Variants in STAG1 observed in about 807,000 individuals in gnomAD.
STAG1 encodes cohesin subunit SA-1.
In STAG1, 26 loss-of-function variants were observed where a neutral mutation model predicts 170.9. The observed-to-expected ratio is 0.15, with a 90% CI of 0.11 to 0.21. STAG1 has a LOEUF of 0.21. Ranked by LOEUF, STAG1 falls within the 10% of genes least tolerant of loss-of-function variation. The probability of loss-of-function intolerance (pLI) is 1.00; values close to 1 mark genes in which losing one functional copy is unlikely to be tolerated. For synonymous variants in STAG1, 514 were observed against 497.7 expected (o/e 1.03, Z -0.44); for missense variants, 964 against 1,509.5 (o/e 0.64, Z 5.99).
At chr3:136,694,804 G>T (rs958043243) in intron 1 of STAG1, among the ~76,000 whole-genome samples, 1 of 152,056 alleles carries the variant, frequency 6.6e-6, no homozygotes, top group Non-Finnish European at 1.5e-5. Context: ...TAATAATAAA[G>T]GGAAAAGTTT....
At chr3:136,486,522 T>A (rs527752549) in intron 9 of STAG1, among the ~76,000 whole-genome samples, 31 of 152,328 alleles carry the variant, frequency 2.0e-4, no homozygotes, top group African/African-American at 7.0e-4. Context: ...CCAAGTAGTA[T>A]CTCTGCCGAG....
chr3:136,610,837 G>A (rs1468607736), intron 3 of STAG1, among the ~76,000 whole-genome samples: 3 of 152,116 alleles, frequency 2.0e-5, no homozygotes, highest in Middle Eastern at 3.2e-3. Context: ...TGGTTATCAT[G>A]GAGAATAGTT....
chr3:136,366,495 A>G (rs1937078071), intron 25 of STAG1, among the ~76,000 whole-genome samples: 1 of 152,170 alleles, frequency 6.6e-6, no homozygotes, highest in African/African-American at 2.4e-5. Context: ...ATCAGCTACT[A>G]TGCCATAATT....
chr3:136,379,435 G>A (rs1367060795), intron 22 of STAG1, among the ~76,000 whole-genome samples: 1 of 152,192 alleles, frequency 6.6e-6, no homozygotes, highest in Non-Finnish European at 1.5e-5. Flanking sequence ...GTGGCTGGGT[G>A]CGGTGGCTCA....
chr3:136,475,176 T>C (rs945360454), intron 10 of STAG1, among the ~76,000 whole-genome samples: 2 of 138,920 alleles, frequency 1.4e-5, no homozygotes, highest in African/African-American at 5.2e-5. Flanking sequence ...GGCAGAGTCT[T>C]GCTCTTGTCA....
intron 1 of STAG1, among the ~76,000 whole-genome samples, chr3:136,691,011 C>G (rs975472731): frequency 6.6e-6 from 1 of 151,674 alleles, no homozygotes; most frequent in Non-Finnish European, 1.5e-5. Context: ...AAAAGAAAGA[C>G]AGTTGGCTGG....
chr3:136,688,944 A>C (rs1375421168), intron 1 of STAG1, among the ~76,000 whole-genome samples: 1 of 152,186 alleles, frequency 6.6e-6, no homozygotes. Context: ...TTACAGTTGC[A>C]TTTCTTTGTT....
chr3:136,608,368 C>T lies in STAG1; in HGVS notation c.133-3895G>A, dbSNP rs1939070016. 2.0e-5 allele frequency among the ~76,000 whole-genome samples: 3 copies of T among 148,688 alleles called. No homozygotes were observed. In the South Asian group the frequency reaches 6.4e-4, roughly 32 times the overall value. On this transcript the variant is annotated intron_variant, in intron 3 of 33. Transcript: ENST00000383202. ...ACCAGCCTGAGCAACATGGCAAAAG[C>T]CCATCTCTACAAAGTTAGCTAGGGT... is the stretch of plus-strand genomic sequence containing the variant.
At chr3:136,468,153 G>C (rs1291404656) in intron 12 of STAG1, among the ~76,000 whole-genome samples, 2 of 152,020 alleles carry the variant, frequency 1.3e-5, no homozygotes, top group African/African-American at 4.8e-5. Flanking sequence ...AAATAACTAA[G>C]ATCAGAGCAG....
chr3:136,442,950 A>C (rs1304977562), intron 15 of STAG1, among the ~76,000 whole-genome samples: 1 of 152,186 alleles, frequency 6.6e-6, no homozygotes, highest in Non-Finnish European at 1.5e-5. Flanking sequence ...TCAAGGCTGC[A>C]GTGAGTTATG....
chr3:136,464,343 A>C (rs1261029059), intron 13 of STAG1, among the ~76,000 whole-genome samples: 1 of 152,084 alleles, frequency 6.6e-6, no homozygotes, highest in African/African-American at 2.4e-5. Context: ...TAATCGCTTG[A>C]ACCTGGGAGG....
intron 21 of STAG1, among the ~76,000 whole-genome samples, chr3:136,399,728 T>A (rs2087263773): frequency 6.6e-6 from 1 of 152,198 alleles, no homozygotes; most frequent in East Asian, 1.9e-4. Context: ...GCAGAGGTTT[T>A]CAGAGTTTTT....
intron 9 of STAG1, chr3:136,499,989 A>C (rs1933382952): frequency 2.5e-6 from 1 of 392,306 alleles, no homozygotes; most frequent in Non-Finnish European, 4.7e-6. Flanking sequence ...AAATCCAAGT[A>C]CATAAGCTAC....
At chr3:136,746,347 G>C (rs1934933509) in intron 1 of STAG1, among the ~76,000 whole-genome samples, 1 of 151,854 alleles carries the variant, frequency 6.6e-6, no homozygotes, top group Non-Finnish European at 1.5e-5. Context: ...TAAAGCAAGG[G>C]TGTCCAATCT....
chr3:136,439,443 A>ACAC (rs1559802083), intron 15 of STAG1, among the ~76,000 whole-genome samples: 1,198 of 44,838 alleles, frequency 0.027, 65 homozygotes, highest in Middle Eastern at 0.075. Flanking sequence ...CACACACACA[A>ACAC]ACACTGTAAG....
At chr3:136,657,109 C>A (rs1285608335) in intron 1 of STAG1, among the ~76,000 whole-genome samples, 1 of 147,634 alleles carries the variant, frequency 6.8e-6, no homozygotes, top group African/African-American at 2.5e-5. Flanking sequence ...TTATGATATG[C>A]AATACTTATA....
chr3:136,601,902 T>C (rs150216095), intron 4 of STAG1, among the ~76,000 whole-genome samples: 3 of 151,872 alleles, frequency 2.0e-5, no homozygotes, highest in Admixed American at 1.3e-4. Flanking sequence ...GTAATATGGA[T>C]GAAGAGAAGA....
chr3:136,554,896 C>CA (rs1559876324), intron 5 of STAG1, among the ~76,000 whole-genome samples: 3 of 150,006 alleles, frequency 2.0e-5, no homozygotes, highest in African/African-American at 7.4e-5. Flanking sequence ...AAAAAATAAC[C>CA]GAAAAAATAA....
chr3:136,424,391 G>A (rs1419091352), intron 16 of STAG1, among the ~76,000 whole-genome samples: 1 of 148,930 alleles, frequency 6.7e-6, no homozygotes, highest in Non-Finnish European at 1.5e-5. Context: ...GTGCAATGGC[G>A]CGATATTGGC....
Sources: gnomAD v4.1 joint callset for allele counts (sites outside exome capture counted in the v4.1 genomes callset) on GRCh38, gnomAD v4.1.1 for gene constraint, MANE v1.5 for transcripts, NCBI Gene and HGNC (gene_info 2026-07-23, HGNC 2026-07-21) for gene names.